SMU1: variants seen among roughly 807,000 people sequenced by gnomAD.
SMU1 encodes the protein SMU1 DNA replication regulator and spliceosomal factor.
A neutral mutation model predicts 62.0 loss-of-function variants in SMU1; 2 were observed. The ratio of observed to expected loss-of-function variants is 0.03; its 90% CI spans 0.01 to 0.10. The LOEUF is 0.10. Among genes scored for constraint, SMU1 ranks in the 10% least tolerant of loss-of-function variants. SMU1 has a pLI of 1.00. For synonymous variants in SMU1, 188 were observed against 212.4 expected (o/e 0.89, Z 1.00); for missense variants, 227 against 622.1 (o/e 0.36, Z 6.76).
At chr9:33,071,613 A>G in intron 3 of SMU1, 127 bp downstream of exon 3, 1 of 946,128 alleles carries the variant, frequency 1.1e-6, no homozygotes, top group Non-Finnish European at 1.5e-6. Flanking sequence ...ACAGAGAAGC[A>G]TCATTCTCAA....
At chr9:33,051,634 A>AATT (rs1461781794) in intron 10 of SMU1, among the ~76,000 whole-genome samples, 1 of 152,188 alleles carries the variant, frequency 6.6e-6, no homozygotes, top group Non-Finnish European at 1.5e-5. Context: ...CTACTCTTAA[A>AATT]AGTCTATTTT....
chr9:33,056,281 T>C lies in SMU1; in HGVS notation c.996-42A>G, dbSNP rs749986600. The C allele has an allele frequency of 8.3e-6, 13 of 1,567,306 alleles. No homozygotes were observed. In the South Asian group the frequency reaches 1.5e-4, roughly 18 times the overall value. On this transcript the variant is annotated intron_variant, in intron 8 of 11. Coordinates refer to ENST00000397149, the MANE Select transcript of SMU1 (RefSeq NM_018225.3). ...AATGAAAAGAACAATAAATATTTAA[T>C]ATCTTATGGTTGTGACCAACGATTG...
chr9:33,062,024 C>T, intron 5 of SMU1, 25 bp downstream of exon 5: 1 of 1,610,010 alleles, frequency 6.2e-7, no homozygotes, highest in South Asian at 1.1e-5. Flanking sequence ...TGATTACTGA[C>T]TGGCTGAATG....
At chr9:33,075,299 C>T (rs541012110) in intron 1 of SMU1, among the ~76,000 whole-genome samples, 16 of 152,104 alleles carry the variant, frequency 1.1e-4, no homozygotes, top group African/African-American at 3.1e-4. Context: ...ATGGCGTGAA[C>T]GTGGGAGGCG....
intron 2 of SMU1, among the ~76,000 whole-genome samples, 191 bp downstream of exon 2, chr9:33,073,405 G>A (rs1332284873): frequency 6.6e-6 from 1 of 152,128 alleles, no homozygotes; most frequent in Non-Finnish European, 1.5e-5. Context: ...TCAAAAAAAG[G>A]AAAGAATTTT....
intron 2 of SMU1, among the ~76,000 whole-genome samples, chr9:33,072,428 T>C (rs1246189023): frequency 2.0e-5 from 3 of 152,210 alleles, no homozygotes; most frequent in African/African-American, 7.2e-5. Context: ...TTGCTCAGAA[T>C]GTAGATGCCA....
intron 10 of SMU1, among the ~76,000 whole-genome samples, chr9:33,052,716 C>T (rs1839263682): frequency 6.6e-6 from 1 of 152,262 alleles, no homozygotes; most frequent in Non-Finnish European, 1.5e-5. Flanking sequence ...ACCGAGGACA[C>T]TGCTGCTGCC....
rs1489922119 is a variant in SMU1, at chr9:33,051,100, GAC to G, written c.1290+2021_1290+2022del. On this transcript the variant is annotated intron_variant, in intron 10 of 11. Transcript: ENST00000397149. The stretch of plus-strand genomic sequence containing the variant: ...CGCGCCACTGCACTCCAGCCTGGGC[GAC>G]AGAGCGAGACTCTGTCTCAAAAAAA... 5.0e-3 allele frequency among the ~76,000 whole-genome samples: 525 copies of G among 105,666 alleles called. 94 individuals are homozygous for G. The highest frequency in any genetic ancestry group is 5.6e-3 in the East Asian group (26 of 4,658). 69.3% of individuals were successfully genotyped at this position (105,666 alleles called of 152,430 possible). A position where few individuals can be genotyped will look rare whatever the true frequency, so the allele number is the denominator to read the frequency against.
At chr9:33,068,469 C>T (rs188527177) in intron 4 of SMU1, among the ~76,000 whole-genome samples, 99 of 152,148 alleles carry the variant, frequency 6.5e-4, no homozygotes, top group Non-Finnish European at 1.0e-3. Flanking sequence ...ATAGTTTATA[C>T]ATAGGAAATT....
At chr9:33,053,367 C>G (rs1274239699) in intron 9 of SMU1, 77 bp from the exon 10 acceptor site, 3 of 1,366,498 alleles carry the variant, frequency 2.2e-6, no homozygotes, top group Non-Finnish European at 3.0e-6. Context: ...AAAATATTAA[C>G]AGTTTACTAA....
chr9:33,054,260 C>G (rs1167995810), intron 9 of SMU1, among the ~76,000 whole-genome samples: 3 of 151,752 alleles, frequency 2.0e-5, no homozygotes, highest in Non-Finnish European at 4.4e-5. Flanking sequence ...TTCAAGCGAT[C>G]CTCTCACTTC....
rs752996314 is a variant in SMU1, at chr9:33,076,651, C to A, written c.-43G>T. On this transcript the variant is annotated 5_prime_UTR_variant, in exon 1 of 12. Coordinates refer to ENST00000397149, the MANE Select transcript of SMU1 (RefSeq NM_018225.3). ...AGCAGGCCCCAGCTCTCCCTCAAGG[C>A]CAGTCGCGCAACACACCAACGACAC... 1.2e-6 allele frequency: 2 copies of A among 1,613,332 alleles called. No individual in the cohort carries two copies. Among genetic ancestry groups the A allele is most frequent in the South Asian group, 1.1e-5 (1 of 91,088 alleles).
rs1270500886 is a variant in SMU1 at position 33,056,248 on chromosome 9, T to C, written c.996-9A>G. 4 of 1,605,372 alleles carry C rather than the reference T, an allele frequency of 2.5e-6. No individual in the cohort carries two copies. The African/African-American group carries it at 4.0e-5, about 16-fold the overall frequency. ...ATTTTAAACCATGAATTCTACCAAA[T>C]GAAAGTAAATGAAAAGAACAATAAA... On this transcript the variant is annotated splice_polypyrimidine_tract_variant and intron_variant, in intron 8 of 11. Coordinates refer to ENST00000397149, the MANE Select transcript of SMU1 (RefSeq NM_018225.3).
chr9:33,058,117 T>G (rs963256831), intron 6 of SMU1, among the ~76,000 whole-genome samples: 3 of 152,252 alleles, frequency 2.0e-5, no homozygotes, highest in Non-Finnish European at 2.9e-5. Flanking sequence ...CTAATCTATT[T>G]ATTTGTGATG....
At chr9:33,075,055 G>A (rs1420029260) in intron 1 of SMU1, among the ~76,000 whole-genome samples, 2 of 151,998 alleles carry the variant, frequency 1.3e-5, no homozygotes, top group Non-Finnish European at 2.9e-5. Context: ...TGACAGGTGT[G>A]AGCCACCGCA....
In SMU1 at chr9:33,060,450, T is replaced by C. The variant is rs767807164; in HGVS notation, c.750+15A>G. On this transcript the variant is annotated intron_variant, in intron 6 of 11. Coordinates refer to ENST00000397149, the MANE Select transcript of SMU1 (RefSeq NM_018225.3). ...TTTTTCCACTAGGAAGGTTAACACA[T>C]TTAAAATACTTTACCTTTCTGATTT... 6.3e-7 allele frequency: 1 copy of C among 1,591,616 alleles called. No individual in the cohort carries two copies.
intron 9 of SMU1, among the ~76,000 whole-genome samples, chr9:33,055,718 G>C (rs10971371): frequency 0.071 from 10,878 of 152,222 alleles, 532 homozygotes; most frequent in Non-Finnish European, 0.11. Context: ...AGTGCAGTGA[G>C]GCTGTGCAAC....
rs750210590 is a variant in SMU1, at chr9:33,068,832, G to T, written c.493C>A (p.Leu165Met). 3 of 1,613,732 alleles carry T rather than the reference G, an allele frequency of 1.9e-6. No individual in the cohort carries two copies. In the Admixed American group the frequency reaches 5.0e-5, roughly 27 times the overall value. ...VVPPSRLMALLGQALKWQQHQ... is the reference protein window; with the variant it reads ...VVPPSRLMALMGQALKWQQHQ... ...TACAGGAATTGAATTACCTGTCCCA[G>T]CAATGCCATGAGACGAGATGGAGGC... The change falls in exon 4 of 12, where the codon CTG becomes ATG. Residue 165 changes from leucine (L) to methionine (M), a missense_variant. Physicochemically the swap from Leu to Met is conservative, Grantham distance 15. Transcript: ENST00000397149.
At chr9:33,065,354 A>C (rs960961809) in intron 4 of SMU1, among the ~76,000 whole-genome samples, 4 of 152,124 alleles carry the variant, frequency 2.6e-5, no homozygotes, top group African/African-American at 9.7e-5. Context: ...CCAAAACCTC[A>C]CTTGCTCTTC....
Sources: allele counts gnomAD v4.1 joint callset (sites outside exome capture counted in the v4.1 genomes callset), GRCh38; gene constraint gnomAD v4.1.1; transcripts MANE v1.5; gene names NCBI Gene and HGNC (gene_info 2026-07-23, HGNC 2026-07-21).